The following LMO7 variants were observed in gnomAD, a reference collection of about 807,000 sequenced individuals.
LMO7 encodes LIM domain 7.
In LMO7, 120 loss-of-function variants were observed where a neutral mutation model predicts 206.5. That is an observed-to-expected ratio of 0.58 (90% CI 0.50 to 0.68). LMO7 has a LOEUF of 0.68. LMO7 is among the 30% of genes least tolerant of loss of function. The probability of loss-of-function intolerance (pLI) is 0.00; values close to 1 mark genes in which losing one functional copy is unlikely to be tolerated. For synonymous variants in LMO7, 706 were observed against 681.5 expected (o/e 1.04, Z -0.56); for missense variants, 1,959 against 1,957.9 (o/e 1.00, Z -0.01).
At chr13:75,848,884 G>A (rs994670114) in intron 26 of LMO7, 195 bp from the exon 27 acceptor site, 3 of 547,644 alleles carry the variant, frequency 5.5e-6, no homozygotes, top group African/African-American at 3.8e-5. Context: ...AGCAGCGTAG[G>A]AGTGCTCCCT....
intron 9 of LMO7, chr13:75,806,262 G>GT (rs2055446030): frequency 1.0e-6 from 1 of 989,060 alleles, no homozygotes; most frequent in African/African-American, 1.7e-5. Context: ...ATGAGCCCAG[G>GT]TGCCCCTGTC....
At chr13:75,786,575 T>C (rs551884818) in intron 4 of LMO7, among the ~76,000 whole-genome samples, 3 of 152,042 alleles carry the variant, frequency 2.0e-5, no homozygotes, top group South Asian at 4.2e-4. Context: ...TTAGTAGAGA[T>C]GGGGTTTCAC....
At chr13:75,837,447 G>A (rs1423737599) in intron 19 of LMO7, among the ~76,000 whole-genome samples, 3 of 152,034 alleles carry the variant, frequency 2.0e-5, no homozygotes, top group Non-Finnish European at 2.9e-5. Flanking sequence ...GTCATTGGAA[G>A]GTTTTGTTTA....
At chr13:75,842,192 C>A (rs1279474100) in intron 24 of LMO7, among the ~76,000 whole-genome samples, 2 of 152,198 alleles carry the variant, frequency 1.3e-5, no homozygotes, top group Non-Finnish European at 2.9e-5. Flanking sequence ...ACATCAGAAC[C>A]CCATCCAGCA....
In LMO7 at chr13:75,800,676, T is replaced by G; in HGVS notation, c.463-8T>G. 1 of 1,612,864 alleles carries G rather than the reference T, an allele frequency of 6.2e-7. No homozygotes were observed. Among genetic ancestry groups the G allele is most frequent in the East Asian group, 2.2e-5 (1 of 44,864 alleles). On this transcript the variant is annotated splice_polypyrimidine_tract_variant and splice_region_variant and intron_variant, in intron 6 of 30. Transcript: ENST00000377534. ...AACTTACTATTCTTTAAAAAACGTT[T>G]TCTTTAGGCACTCGAAGACTCCAGC...
At chr13:75,678,547 C>T (rs35212849) in intron 1 of LMO7, among the ~76,000 whole-genome samples, 7,851 of 152,148 alleles carry the variant, frequency 0.052, 262 homozygotes, top group Middle Eastern at 0.078. Flanking sequence ...GATGGTGGCC[C>T]TTGAGAGATG....
intron 6 of LMO7, among the ~76,000 whole-genome samples, chr13:75,799,096 G>A (rs973136795): frequency 8.5e-5 from 13 of 152,220 alleles, no homozygotes; most frequent in African/African-American, 2.9e-4. Context: ...ATGACAGGAT[G>A]TCAACTCTAA....
chr13:75,650,278 C>T (rs749690704), intron 1 of LMO7, among the ~76,000 whole-genome samples: 4 of 151,988 alleles, frequency 2.6e-5, no homozygotes, highest in African/African-American at 9.7e-5. Context: ...TACAGGTGCA[C>T]GCTACCATGC....
intron 24 of LMO7, 24 bp from the exon 25 acceptor site, chr13:75,842,827 A>C (rs1281750179): frequency 6.7e-7 from 1 of 1,484,566 alleles, no homozygotes; most frequent in East Asian, 2.3e-5. Flanking sequence ...TATTTTGACA[A>C]CAAAATCTTT....
intron 1 of LMO7, among the ~76,000 whole-genome samples, chr13:75,642,442 CAAAA>C (rs5804829): frequency 0.018 from 1,316 of 72,372 alleles, 26 homozygotes; most frequent in African/African-American, 0.066. Context: ...CCATCTCTAC[CAAAA>C]AAAAAAAAAA....
chr13:75,706,901 G>A (rs1447648137), intron 1 of LMO7, among the ~76,000 whole-genome samples: 1 of 151,966 alleles, frequency 6.6e-6, no homozygotes, highest in Non-Finnish European at 1.5e-5. Context: ...GGGAGGTTTT[G>A]TAACTTTCTA....
intron 4 of LMO7, among the ~76,000 whole-genome samples, chr13:75,771,797 A>G (rs1166182775): frequency 1.3e-5 from 2 of 152,104 alleles, no homozygotes. Context: ...AAATAATTAA[A>G]GATTAATAAT....
In LMO7 at chr13:75,807,873, G is replaced by A. The variant is rs768576909; in HGVS notation, c.1590G>A (p.Pro530=). The A allele has an allele frequency of 5.0e-5, 81 of 1,613,738 alleles. No individual in the cohort carries two copies. The highest frequency in any genetic ancestry group is 8.9e-5 in the East Asian group (4 of 44,892). Reference sequence around the variant, plus strand: ...TTCCAGCACAGAAGAAAGAAGTGCCGCTGTCTGGGGCCCCAGATAGATACC... The same window carrying A: ...TTCCAGCACAGAAGAAAGAAGTGCCACTGTCTGGGGCCCCAGATAGATACC... ...RRIPAQKKEV[P]LSGAPDRYHP... is the part of the protein sequence containing the mutation. The change falls in exon 10 of 31, where the codon CCG becomes CCA. Residue 530 remains proline (P), a synonymous_variant. Transcript: ENST00000377534.
chr13:75,685,739 A>G (rs1267757320), intron 1 of LMO7, among the ~76,000 whole-genome samples: 2 of 152,114 alleles, frequency 1.3e-5, no homozygotes, highest in Non-Finnish European at 2.9e-5. Flanking sequence ...AAGGTGGGAA[A>G]AGCCTGGACA....
chr13:75,741,576 CA>C (rs1209107299), intron 3 of LMO7, among the ~76,000 whole-genome samples: 2 of 152,186 alleles, frequency 1.3e-5, no homozygotes, highest in African/African-American at 4.8e-5. Flanking sequence ...GTTGGTTCAA[CA>C]TAGGCAAATC....
intron 3 of LMO7, among the ~76,000 whole-genome samples, chr13:75,756,607 C>G (rs561417759): frequency 7.2e-5 from 11 of 152,172 alleles, no homozygotes; most frequent in Non-Finnish European, 1.5e-4. Context: ...GGACCAGTGA[C>G]TCCTGTGTTG....
chr13:75,758,726 A>C (rs1206705998), intron 3 of LMO7, among the ~76,000 whole-genome samples: 2 of 152,158 alleles, frequency 1.3e-5, no homozygotes, highest in Admixed American at 6.5e-5. Context: ...CAACTAGATG[A>C]ATGCTATTAT....
At chr13:75,775,800 C>T (rs947947746) in intron 4 of LMO7, among the ~76,000 whole-genome samples, 2 of 151,384 alleles carry the variant, frequency 1.3e-5, no homozygotes, top group African/African-American at 4.8e-5. Flanking sequence ...TCAAAAAACC[C>T]AAAAAGATGT....
rs144896038 is a variant in LMO7 at position 75,738,593 on chromosome 13, TG to T, written c.210+11496del. ...CTTCTTTCTGTTCTTCACAAAGCCA[TG>T]TTTTTTAAAAAAATCTAACCCAAGA... On this transcript the variant is annotated intron_variant, in intron 3 of 30. Coordinates refer to ENST00000377534, the MANE Select transcript of LMO7 (RefSeq NM_001306080.2). Among the ~76,000 whole-genome samples, 383 of 152,310 alleles carry T rather than the reference TG, an allele frequency of 2.5e-3. 3 individuals carry two copies. The highest frequency in any genetic ancestry group is 8.2e-3 in the African/African-American group (342 of 41,560).
Sources: gnomAD v4.1 joint callset for allele counts (sites outside exome capture counted in the v4.1 genomes callset) on GRCh38, gnomAD v4.1.1 for gene constraint, MANE v1.5 for transcripts, NCBI Gene and HGNC (gene_info 2026-07-23, HGNC 2026-07-21) for gene names.